The following RABGAP1L variants were observed in gnomAD, a reference collection of about 807,000 sequenced individuals.
The protein encoded by RABGAP1L is RAB GTPase activating protein 1 like.
In RABGAP1L, 63 loss-of-function variants were observed where a neutral mutation model predicts 137.7. That is an observed-to-expected ratio of 0.46 (90% CI 0.37 to 0.56). RABGAP1L has a LOEUF of 0.56. Among genes scored for constraint, RABGAP1L ranks in the 20% least tolerant of loss-of-function variants. The probability of loss-of-function intolerance (pLI) is 0.00; values close to 1 mark genes in which losing one functional copy is unlikely to be tolerated. For missense variants in RABGAP1L, 1,095 were observed against 1,244.0 expected (o/e 0.88, Z 1.80); for synonymous variants, 431 against 433.7 (o/e 0.99, Z 0.08).
intron 18 of RABGAP1L, among the ~76,000 whole-genome samples, chr1:174,806,504 A>G (rs768461149): frequency 3.3e-5 from 5 of 152,216 alleles, no homozygotes; most frequent in Non-Finnish European, 7.3e-5. Flanking sequence ...GCTACTAGGA[A>G]GGCTGAGACA....
At chr1:174,242,800 A>G (rs1671935958) in intron 5 of RABGAP1L, among the ~76,000 whole-genome samples, 1 of 152,202 alleles carries the variant, frequency 6.6e-6, no homozygotes, top group Non-Finnish European at 1.5e-5. Context: ...CAGCACTTAC[A>G]TATCTATGTG....
intron 13 of RABGAP1L, among the ~76,000 whole-genome samples, chr1:174,632,714 T>A (rs1357676172): frequency 3.4e-5 from 5 of 147,510 alleles, no homozygotes; most frequent in Non-Finnish European, 7.4e-5. Flanking sequence ...ATTCTTCACG[T>A]AGTTCTCGAG....
At chr1:174,551,179 A>G (rs1160367813) in intron 13 of RABGAP1L, among the ~76,000 whole-genome samples, 2 of 150,094 alleles carry the variant, frequency 1.3e-5, no homozygotes, top group Non-Finnish European at 3.0e-5. Flanking sequence ...ACTGCACTCC[A>G]GCCTGGGCGA....
At chr1:174,369,379 C>T (rs1242924107) in intron 11 of RABGAP1L, among the ~76,000 whole-genome samples, 1 of 152,084 alleles carries the variant, frequency 6.6e-6, no homozygotes, top group Non-Finnish European at 1.5e-5. Context: ...TTGATAGAAA[C>T]AGGGTTTTAC....
chr1:174,614,015 T>C lies in RABGAP1L; in HGVS notation c.1711-23360T>C, dbSNP rs1671535533. ...ATGGGTCTTGACTCTTTATCCAATT[T>C]GCCAGTCTGTGTCTTTTAATTGGAG... On this transcript the variant is annotated intron_variant, in intron 13 of 25. Coordinates refer to ENST00000681986, the MANE Select transcript of RABGAP1L (RefSeq NM_001366446.1). Among the ~76,000 whole-genome samples, 3 of 152,350 alleles carry C rather than the reference T, an allele frequency of 2.0e-5. 1 individual carries two copies. In the South Asian group the frequency reaches 6.2e-4, roughly 32 times the overall value.
chr1:174,566,898 C>G (rs1373025048), intron 13 of RABGAP1L, among the ~76,000 whole-genome samples: 1 of 152,068 alleles, frequency 6.6e-6, no homozygotes, highest in Non-Finnish European at 1.5e-5. Context: ...TTTCTAGCAT[C>G]TCCCAGTCCC....
intron 1 of RABGAP1L, among the ~76,000 whole-genome samples, chr1:174,172,022 T>TA (rs982891738): frequency 1.3e-4 from 19 of 151,468 alleles, no homozygotes; most frequent in African/African-American, 3.9e-4. Flanking sequence ...AAATAAAAAG[T>TA]AAAAAAAAGG....
chr1:174,830,182 A>G (rs1691960396), intron 19 of RABGAP1L, among the ~76,000 whole-genome samples: 1 of 147,804 alleles, frequency 6.8e-6, no homozygotes, highest in Non-Finnish European at 1.5e-5. Flanking sequence ...TGTTTCAAAC[A>G]TACCACAAGG....
At chr1:174,405,352 A>G (rs2149113253) in intron 13 of RABGAP1L, among the ~76,000 whole-genome samples, 1 of 152,292 alleles carries the variant, frequency 6.6e-6, no homozygotes, top group East Asian at 1.9e-4. Context: ...ACTCAATACT[A>G]GATTTTATTG....
intron 13 of RABGAP1L, among the ~76,000 whole-genome samples, chr1:174,635,068 A>C (rs1572621836): frequency 6.7e-6 from 1 of 148,410 alleles, no homozygotes; most frequent in Non-Finnish European, 1.5e-5. Context: ...AAAAAATAAA[A>C]AAAGAAAAAA....
At chr1:174,219,412 G>C in intron 2 of RABGAP1L, 117 bp downstream of exon 2, 6 of 712,610 alleles carry the variant, frequency 8.4e-6, no homozygotes, top group Non-Finnish European at 1.0e-5. Context: ...TAAAATCAAT[G>C]TTTGATTTAT....
chr1:174,939,173 T>C (rs1350552983), intron 19 of RABGAP1L, among the ~76,000 whole-genome samples: 2 of 152,198 alleles, frequency 1.3e-5, no homozygotes, highest in Non-Finnish European at 2.9e-5. Context: ...CTTTGATTGA[T>C]AGGTATATAT....
At chr1:174,985,283 C>G (rs1332807893) in intron 24 of RABGAP1L, among the ~76,000 whole-genome samples, 1 of 152,196 alleles carries the variant, frequency 6.6e-6, no homozygotes, top group Non-Finnish European at 1.5e-5. Context: ...GTCCCAGCTC[C>G]TCAGGAGGCT....
At chr1:174,308,982 A>G (rs1678561848) in intron 11 of RABGAP1L, among the ~76,000 whole-genome samples, 1 of 151,992 alleles carries the variant, frequency 6.6e-6, no homozygotes, top group Admixed American at 6.6e-5. Context: ...ACATTTAAAC[A>G]TATTAATTCT....
chr1:174,927,584 A>T (rs950210232), intron 19 of RABGAP1L, among the ~76,000 whole-genome samples: 3 of 152,130 alleles, frequency 2.0e-5, no homozygotes, highest in African/African-American at 7.2e-5. Flanking sequence ...TATGTTGATC[A>T]GACTGGAGTG....
chr1:174,898,379 T>A (rs1229002307), intron 19 of RABGAP1L, among the ~76,000 whole-genome samples: 1 of 152,190 alleles, frequency 6.6e-6, no homozygotes, highest in Non-Finnish European at 1.5e-5. Flanking sequence ...ATGCATGGCG[T>A]TTGTGCTTTG....
At chr1:174,729,206 G>A (rs1682256071) in intron 17 of RABGAP1L, among the ~76,000 whole-genome samples, 1 of 152,090 alleles carries the variant, frequency 6.6e-6, no homozygotes, top group African/African-American at 2.4e-5. Context: ...TGACAAAGTC[G>A]ACAAAATTCA....
chr1:174,369,659 T>C lies in RABGAP1L; in HGVS notation c.1466-1320T>C, dbSNP rs183241861. Among the ~76,000 whole-genome samples, 497 of 152,356 alleles carry C rather than the reference T, an allele frequency of 3.3e-3. 3 individuals are homozygous for C. The highest frequency in any genetic ancestry group is 0.011 in the African/African-American group (459 of 41,594). On this transcript the variant is annotated intron_variant, in intron 11 of 25. Transcript: ENST00000681986. Reference sequence around the variant, plus strand: ...CAGTTGTTTCTATTTACATTACTTCTATAGTAGTAATATTTCATTTGCTTT... The same window carrying C: ...CAGTTGTTTCTATTTACATTACTTCCATAGTAGTAATATTTCATTTGCTTT...
intron 13 of RABGAP1L, among the ~76,000 whole-genome samples, chr1:174,506,323 A>G (rs1234167522): frequency 1.3e-5 from 2 of 152,228 alleles, no homozygotes; most frequent in African/African-American, 4.8e-5. Context: ...CTACCATGGC[A>G]GAGATAAATA....
Sources: allele counts gnomAD v4.1 joint callset (sites outside exome capture counted in the v4.1 genomes callset), GRCh38; gene constraint gnomAD v4.1.1; transcripts MANE v1.5; gene names NCBI Gene and HGNC (gene_info 2026-07-23, HGNC 2026-07-21).